Variants in RBM19 observed in about 807,000 individuals in gnomAD.
The protein encoded by RBM19 is probable RNA-binding protein 19.
RBM19 carries 94 observed loss-of-function variants against 116.8 expected under a neutral mutation model. That is an observed-to-expected ratio of 0.80 (90% CI 0.68 to 0.95). The LOEUF (loss-of-function observed/expected upper bound fraction) is 0.95, where lower values mean the gene tolerates loss of function less well. Ranked by LOEUF, RBM19 falls within the 40% of genes least tolerant of loss-of-function variation. RBM19 has a pLI of 0.00. For missense variants in RBM19, 1,161 were observed against 1,220.7 expected, an observed-to-expected ratio of 0.95 and a Z score of 0.73; for synonymous variants, 475 against 494.1, an observed-to-expected ratio of 0.96 and a Z score of 0.51.
intron 2 of RBM19, among the ~76,000 whole-genome samples, chr12:113,960,894 T>C (rs975482002): frequency 3.3e-5 from 5 of 152,162 alleles, no homozygotes; most frequent in African/African-American, 1.2e-4. Context: ...AAACCTCCAA[T>C]ACACTCCTCT....
In RBM19 at chr12:113,945,870, G is replaced by A. The variant is rs768434010; in HGVS notation, c.1584C>T (p.Ile528=). The A allele has an allele frequency of 5.0e-6, 8 of 1,592,408 alleles. No individual in the cohort carries two copies. The highest frequency in any genetic ancestry group is 6.9e-6 in the Non-Finnish European group (8 of 1,160,288). ...TCTTGGTGGCGTTGTACTTCTGTGC[G>A]ATGGCATCGGCCACGGCATTCGGCC... ...FMGPNAVADA[I]AQKYNATKSQ... The change falls in exon 13 of 24, where the codon ATC becomes ATT. Residue 528 remains isoleucine (I), a synonymous_variant. Transcript: ENST00000261741.
At chr12:113,921,741 G>A (rs954624232) in intron 18 of RBM19, among the ~76,000 whole-genome samples, 3 of 152,194 alleles carry the variant, frequency 2.0e-5, no homozygotes, top group African/African-American at 7.2e-5. Flanking sequence ...TTGGAGGCTC[G>A]AGGCTGCAGG....
chr12:113,862,455 A>G (rs528402273), intron 21 of RBM19, among the ~76,000 whole-genome samples: 1 of 146,092 alleles, frequency 6.8e-6, no homozygotes, highest in Non-Finnish European at 1.6e-5. Context: ...ATTAAAAAGA[A>G]AAAAAAAGGT....
chr12:113,923,660 G>A (rs1347817620), intron 18 of RBM19, among the ~76,000 whole-genome samples: 1 of 152,210 alleles, frequency 6.6e-6, no homozygotes, highest in Non-Finnish European at 1.5e-5. Context: ...GGCCACTGCA[G>A]TGTGAGTGGC....
chr12:113,927,704 A>C (rs1007496705), intron 16 of RBM19, among the ~76,000 whole-genome samples: 10 of 152,200 alleles, frequency 6.6e-5, no homozygotes, highest in African/African-American at 2.2e-4. Flanking sequence ...GGAAGAGTCT[A>C]AATACCCCCT....
intron 21 of RBM19, among the ~76,000 whole-genome samples, chr12:113,906,823 T>C (rs1172671004): frequency 6.6e-6 from 1 of 152,024 alleles, no homozygotes; most frequent in Non-Finnish European, 1.5e-5. Flanking sequence ...TGACCTTACT[T>C]AGAAATAGGA....
intron 21 of RBM19, among the ~76,000 whole-genome samples, chr12:113,877,408 C>T (rs1879748911): frequency 6.6e-6 from 1 of 152,202 alleles, no homozygotes; most frequent in African/African-American, 2.4e-5. Flanking sequence ...AGCCCTGTGG[C>T]CAGATCTGGC....
In RBM19 at chr12:113,948,693, G is replaced by A. The variant is rs1019470387; in HGVS notation, c.1276+140C>T. The A allele has an allele frequency of 1.8e-5, 14 of 793,508 alleles. No individual in the cohort carries two copies. The African/African-American group carries it at 2.1e-4, about 12-fold the overall frequency. 49.2% of individuals were successfully genotyped at this position (793,508 alleles called of 1,614,324 possible). A position where few individuals can be genotyped will look rare whatever the true frequency, so the allele number is the denominator to read the frequency against. ...TCCTCACAGCAGCTCAGGGGTACTT[G>A]GTCCCATTTTACAGATGAGAAAACT... On this transcript the variant is annotated intron_variant, in intron 10 of 23. Transcript: ENST00000261741.
chr12:113,897,225 C>G (rs959138434), intron 21 of RBM19, among the ~76,000 whole-genome samples: 2 of 152,186 alleles, frequency 1.3e-5, no homozygotes, highest in African/African-American at 2.4e-5. Context: ...CTGGAGTGCA[C>G]TGGTGTGATC....
At position 113,832,889 on chromosome 12, in the gene RBM19, G is replaced by A. The variant is rs762818799; in HGVS notation, c.2786-9568C>T. Among the ~76,000 whole-genome samples the A allele has an allele frequency of 5.3e-5, 8 of 152,192 alleles. No individual in the cohort carries two copies. In the South Asian group the frequency reaches 6.2e-4, roughly 12 times the overall value. On this transcript the variant is annotated intron_variant, in intron 23 of 23. Coordinates refer to ENST00000261741, the MANE Select transcript of RBM19 (RefSeq NM_016196.4). ...AGGTGGCCTATTCGCAAAGGCTGAC[G>A]TGGGGATAACGGGCTCTCTTGGTCT...
chr12:113,927,087 G>A lies in RBM19; in HGVS notation c.2211C>T (p.Leu737=). Residue 737 remains leucine (L), a synonymous_variant, in exon 17 of 24, where the codon CTC becomes CTT. Transcript: ENST00000261741. ...GCTTCTCTTCTGTTGTGTCAAAATTGAGATTCTTAATAAACAGAGTACATC... is the reference window on the plus strand; with the variant it reads ...GCTTCTCTTCTGTTGTGTCAAAATTAAGATTCTTAATAAACAGAGTACATC... The part of the protein sequence containing the change: ...LPGCTLFIKN[L]NFDTTEEKLK... The A allele has an allele frequency of 6.2e-7, 1 of 1,613,558 alleles. No homozygotes were observed. Among genetic ancestry groups the A allele is most frequent in the South Asian group, 1.1e-5 (1 of 91,052 alleles).
At chr12:113,945,762 C>T (rs1870955031) in intron 13 of RBM19, 66 bp downstream of exon 13, 3 of 1,351,260 alleles carry the variant, frequency 2.2e-6, no homozygotes, top group South Asian at 1.2e-5. Flanking sequence ...GTACAACGAG[C>T]CTCCTGCTCT....
chr12:113,866,057 G>C (rs147282651), intron 21 of RBM19, among the ~76,000 whole-genome samples: 35 of 152,292 alleles, frequency 2.3e-4, no homozygotes, highest in African/African-American at 7.7e-4. Context: ...TGTACAAAGT[G>C]CAGGGTCAAG....
rs547238659 is a variant in RBM19 at position 113,823,128 on chromosome 12, G to A, written c.*96C>T. On this transcript the variant is annotated 3_prime_UTR_variant, in exon 24 of 24. Transcript: ENST00000261741. Reference sequence around the variant, plus strand: ...AGGGTGGGGCCGCCTGCCGCTCCCCGCCCCGCCCCCCAGCCCACATGGTGG... The same window carrying A: ...AGGGTGGGGCCGCCTGCCGCTCCCCACCCCGCCCCCCAGCCCACATGGTGG... 8.9e-4 allele frequency: 835 copies of A among 941,470 alleles called. 2 individuals are homozygous for A. The highest frequency in any genetic ancestry group is 1.2e-3 in the Non-Finnish European group (784 of 635,790). The allele number at this position is 941,470 out of a possible 1,614,324, so 58.3% of individuals were successfully genotyped here. A position where few individuals can be genotyped will look rare whatever the true frequency, so the allele number is the denominator to read the frequency against.
intron 21 of RBM19, among the ~76,000 whole-genome samples, chr12:113,902,509 G>A (rs1253085074): frequency 6.6e-6 from 1 of 150,844 alleles, no homozygotes; most frequent in Non-Finnish European, 1.5e-5. Context: ...TGGGGAAGGA[G>A]GATCCCTTGA....
At chr12:113,938,562 G>A (rs976123042) in intron 15 of RBM19, among the ~76,000 whole-genome samples, 3 of 152,190 alleles carry the variant, frequency 2.0e-5, no homozygotes, top group Non-Finnish European at 4.4e-5. Context: ...TAGTGGCACC[G>A]CAAGGGTATG....
At chr12:113,879,188 C>CAGG (rs1879908886) in intron 21 of RBM19, among the ~76,000 whole-genome samples, 1 of 152,092 alleles carries the variant, frequency 6.6e-6, no homozygotes, top group East Asian at 1.9e-4. Flanking sequence ...TGGGGTCCAC[C>CAGG]AGGGCACAGG....
intron 21 of RBM19, among the ~76,000 whole-genome samples, chr12:113,881,810 T>C (rs769411503): frequency 6.6e-6 from 1 of 152,250 alleles, no homozygotes; most frequent in African/African-American, 2.4e-5. Context: ...AAACCACATG[T>C]TGCTTCCTTG....
chr12:113,952,710 T>C (rs1871577217), intron 7 of RBM19, 120 bp from the exon 8 acceptor site: 2 of 781,576 alleles, frequency 2.6e-6, no homozygotes, highest in African/African-American at 3.5e-5. Context: ...CTTTAGTTTT[T>C]CTCTTTCCTT....
Sources: allele counts gnomAD v4.1 joint callset (sites outside exome capture counted in the v4.1 genomes callset), GRCh38; gene constraint gnomAD v4.1.1; transcripts MANE v1.5; gene names NCBI Gene and HGNC (gene_info 2026-07-23, HGNC 2026-07-21).